Variants in FKBP5 observed in about 807,000 individuals in gnomAD.
FKBP5 encodes the protein peptidyl-prolyl cis-trans isomerase FKBP5.
Under a neutral mutation model 50.5 loss-of-function variants are expected in FKBP5, and 23 were observed. The observed-to-expected ratio is 0.46, with a 90% CI of 0.33 to 0.65. The LOEUF is 0.65. Ranked by LOEUF, FKBP5 falls within the 30% of genes least tolerant of loss-of-function variation. FKBP5 has a pLI of 0.02. For synonymous variants in FKBP5, 176 were observed against 190.6 expected, an observed-to-expected ratio of 0.92 and a Z score of 0.63; for missense variants, 411 against 553.1, an observed-to-expected ratio of 0.74 and a Z score of 2.58.
chr6:35,614,511 C>G (rs1763585303), intron 5 of FKBP5, among the ~76,000 whole-genome samples: 6 of 151,906 alleles, frequency 3.9e-5, no homozygotes, highest in African/African-American at 1.5e-4. Flanking sequence ...GTAACATAAT[C>G]ACATTGAAGG....
chr6:35,619,776 C>A (rs1409570770), intron 4 of FKBP5, among the ~76,000 whole-genome samples: 3 of 152,110 alleles, frequency 2.0e-5, no homozygotes, highest in African/African-American at 7.2e-5. Context: ...TATGTAAATA[C>A]CCCGCAACGT....
intron 2 of FKBP5, among the ~76,000 whole-genome samples, chr6:35,641,262 C>T (rs1343638843): frequency 6.6e-6 from 1 of 152,146 alleles, no homozygotes; most frequent in Non-Finnish European, 1.5e-5. Flanking sequence ...GGATTACAGG[C>T]ATGAGCCACT....
At chr6:35,675,182 C>G (rs900327124) in intron 1 of FKBP5, among the ~76,000 whole-genome samples, 2 of 152,222 alleles carry the variant, frequency 1.3e-5, no homozygotes, top group African/African-American at 4.8e-5. Flanking sequence ...CTGAGACTTA[C>G]AGAAAATAAG....
At chr6:35,721,308 T>C (rs1202607197) in intron 1 of FKBP5, among the ~76,000 whole-genome samples, 3 of 151,500 alleles carry the variant, frequency 2.0e-5, no homozygotes, top group African/African-American at 4.9e-5. Flanking sequence ...GCTGGGATCA[T>C]GCCACTGCAC....
At chr6:35,690,404 G>T (rs1765962162), upstream of FKBP5, among the ~76,000 whole-genome samples, 1 of 151,890 alleles carries the variant, frequency 6.6e-6, no homozygotes, top group Admixed American at 6.6e-5. Context: ...AACAGAGGTT[G>T]CAGTGAGCCG....
chr6:35,619,018 T>C, intron 5 of FKBP5, 78 bp downstream of exon 5: 1 of 842,584 alleles, frequency 1.2e-6, no homozygotes, highest in Non-Finnish European at 1.9e-6. Flanking sequence ...TCTACAAACA[T>C]TTTTTTTTAA....
intron 2 of FKBP5, among the ~76,000 whole-genome samples, chr6:35,697,850 C>G (rs1024350016): frequency 1.3e-5 from 2 of 152,156 alleles, no homozygotes; most frequent in African/African-American, 4.8e-5. Context: ...AACCATTGTG[C>G]TGTACACTTT....
chr6:35,584,141 G>A (rs1165749980), intron 8 of FKBP5: 5 of 985,290 alleles, frequency 5.1e-6, no homozygotes, highest in African/African-American at 3.5e-5. Context: ...GGCAAAAATC[G>A]TGTCTGTTTA....
At chr6:35,711,583 G>A (rs1766413921) in intron 2 of FKBP5, among the ~76,000 whole-genome samples, 1 of 150,878 alleles carries the variant, frequency 6.6e-6, no homozygotes, top group Non-Finnish European at 1.5e-5. Context: ...GTGCCACTGT[G>A]CTCCAGCCTG....
At chr6:35,586,859 TCCACATGATTG>T in intron 8 of FKBP5, 164 bp downstream of exon 8, 4 of 1,445,356 alleles carry the variant, frequency 2.8e-6, no homozygotes, top group Non-Finnish European at 3.6e-6. Flanking sequence ...TTTTTTTTTT[TCCACATGATTG>T]TTTTCTCACC....
chr6:35,627,766 T>G (rs1764043105), intron 3 of FKBP5, among the ~76,000 whole-genome samples: 1 of 151,984 alleles, frequency 6.6e-6, no homozygotes, highest in African/African-American at 2.4e-5. Flanking sequence ...ATCTTTTCTT[T>G]TTTCTTTTTT....
At chr6:35,695,127 A>T (rs1369016741) in intron 2 of FKBP5, among the ~76,000 whole-genome samples, 2 of 152,182 alleles carry the variant, frequency 1.3e-5, no homozygotes, top group Non-Finnish European at 2.9e-5. Context: ...TAAGACAAGG[A>T]TAAGAGAAGA....
intron 5 of FKBP5, among the ~76,000 whole-genome samples, chr6:35,598,744 G>A (rs909652781): frequency 2.8e-4 from 42 of 152,082 alleles, no homozygotes; most frequent in African/African-American, 9.9e-4. Context: ...GCCGAGGCGG[G>A]TGGATCACCT....
chr6:35,575,825 T>G lies in FKBP5; in HGVS notation c.*10A>C, dbSNP rs765257815. 1.3e-6 allele frequency: 2 copies of G among 1,588,672 alleles called. No homozygotes were observed. Among genetic ancestry groups the G allele is most frequent in the Non-Finnish European group, 1.7e-6 (2 of 1,156,790 alleles). ...GAGTTCACTGGGACTCTTCCCTCCT[T>G]GGCGTGGCGTCATACGTGGCCCTCA... On this transcript the variant is annotated 3_prime_UTR_variant, in exon 11 of 11. Coordinates refer to ENST00000357266, the MANE Select transcript of FKBP5 (RefSeq NM_004117.4).
upstream of FKBP5, among the ~76,000 whole-genome samples, chr6:35,689,261 A>C (rs1291941016): frequency 6.6e-6 from 1 of 152,074 alleles, no homozygotes; most frequent in Non-Finnish European, 1.5e-5. Flanking sequence ...TCCCATCTGT[A>C]TCGTCTCTCT....
intron 5 of FKBP5, among the ~76,000 whole-genome samples, chr6:35,606,884 G>C (rs939918061): frequency 6.6e-6 from 1 of 152,008 alleles, no homozygotes; most frequent in Non-Finnish European, 1.5e-5. Context: ...AAAATAAATC[G>C]TTCTATCAGA....
At chr6:35,657,782 T>C (rs1156412369) in intron 1 of FKBP5, among the ~76,000 whole-genome samples, 2 of 152,204 alleles carry the variant, frequency 1.3e-5, no homozygotes, top group Non-Finnish European at 2.9e-5. Flanking sequence ...TTAGGGGGTC[T>C]CACAACATTC....
chr6:35,700,307 T>G (rs1464223842), intron 2 of FKBP5, among the ~76,000 whole-genome samples: 1 of 152,092 alleles, frequency 6.6e-6, no homozygotes, highest in Non-Finnish European at 1.5e-5. Flanking sequence ...ACTACAAGCA[T>G]GTGCCACCAC....
At chr6:35,694,445 C>T (rs984037760) in intron 2 of FKBP5, among the ~76,000 whole-genome samples, 1 of 152,208 alleles carries the variant, frequency 6.6e-6, no homozygotes, top group African/African-American at 2.4e-5. Context: ...CCACTCCCTG[C>T]CCCATTATCA....
Sources: allele counts gnomAD v4.1 joint callset (sites outside exome capture counted in the v4.1 genomes callset), GRCh38; gene constraint gnomAD v4.1.1; transcripts MANE v1.5; gene names NCBI Gene and HGNC (gene_info 2026-07-23, HGNC 2026-07-21).